Variants in DOCK4 observed in about 807,000 individuals in gnomAD.
DOCK4 encodes the protein dedicator of cytokinesis 4, also known as dedicator of cytokinesis protein 4.
In DOCK4, 97 loss-of-function variants were observed where a neutral mutation model predicts 268.1. The ratio of observed to expected loss-of-function variants is 0.36; its 90% CI spans 0.31 to 0.43. The LOEUF (loss-of-function observed/expected upper bound fraction) is 0.43, where lower values mean the gene tolerates loss of function less well. Among genes scored for constraint, DOCK4 ranks in the 20% least tolerant of loss-of-function variants. DOCK4 has a pLI of 1.00. For synonymous variants in DOCK4, 954 were observed against 887.2 expected (o/e 1.08, Z -1.34); for missense variants, 2,145 against 2,455.7 (o/e 0.87, Z 2.67).
chr7:111,739,670 C>A, intron 47 of DOCK4, 193 bp from the exon 48 acceptor site: 1 of 588,282 alleles, frequency 1.7e-6, no homozygotes, highest in South Asian at 2.0e-5. Context: ...ATTTTGACTC[C>A]TGCCAAAGGA....
chr7:112,014,146 T>C (rs1168968004), intron 1 of DOCK4, among the ~76,000 whole-genome samples: 1 of 152,220 alleles, frequency 6.6e-6, no homozygotes, highest in Non-Finnish European at 1.5e-5. Context: ...GTTGAGTTAT[T>C]AAGTCATGAG....
intron 1 of DOCK4, among the ~76,000 whole-genome samples, chr7:112,073,715 A>G (rs527460832): frequency 6.6e-6 from 1 of 152,124 alleles, no homozygotes; most frequent in Non-Finnish European, 1.5e-5. Flanking sequence ...TTTTGAACAC[A>G]TGGAAGTAGA....
At chr7:111,823,463 C>G (rs1033501911) in intron 26 of DOCK4, among the ~76,000 whole-genome samples, 3 of 152,096 alleles carry the variant, frequency 2.0e-5, no homozygotes, top group African/African-American at 7.2e-5. Flanking sequence ...CCACCTCGGC[C>G]TCCCAAAGTG....
intron 1 of DOCK4, among the ~76,000 whole-genome samples, chr7:112,083,245 T>C (rs1808762168): frequency 6.6e-6 from 1 of 152,106 alleles, no homozygotes; most frequent in Admixed American, 6.6e-5. Context: ...TTGAAAATAA[T>C]TTTATTTGAT....
intron 11 of DOCK4, among the ~76,000 whole-genome samples, chr7:111,938,090 T>G (rs1309363102): frequency 6.6e-6 from 1 of 152,208 alleles, no homozygotes; most frequent in Non-Finnish European, 1.5e-5. Context: ...AATTGAGGGT[T>G]GCTATGTGAT....
intron 1 of DOCK4, among the ~76,000 whole-genome samples, chr7:112,115,035 G>A (rs964577976): frequency 4.6e-5 from 7 of 152,100 alleles, no homozygotes; most frequent in Non-Finnish European, 4.4e-5. Flanking sequence ...TATCTATACT[G>A]CAGACATTTT....
chr7:112,166,517 T>C (rs1586958967), intron 1 of DOCK4, among the ~76,000 whole-genome samples: 1 of 152,338 alleles, frequency 6.6e-6, no homozygotes, highest in African/African-American at 2.4e-5. Context: ...ACTTTGCCCA[T>C]ATCATGTCAC....
At chr7:112,032,214 G>A (rs1009198573) in intron 1 of DOCK4, among the ~76,000 whole-genome samples, 4 of 152,114 alleles carry the variant, frequency 2.6e-5, no homozygotes, top group Admixed American at 6.5e-5. Flanking sequence ...CCTCAACTGC[G>A]TTAACATTAT....
At chr7:112,101,057 TA>T in intron 1 of DOCK4, among the ~76,000 whole-genome samples, 1 of 152,080 alleles carries the variant, frequency 6.6e-6, no homozygotes, top group East Asian at 1.9e-4. Context: ...GGGGGTGTGT[TA>T]TGGAAGGAAG....
chr7:112,101,744 T>C (rs568357422), intron 1 of DOCK4, among the ~76,000 whole-genome samples: 1 of 152,346 alleles, frequency 6.6e-6, no homozygotes, highest in East Asian at 1.9e-4. Context: ...CTGCTTTCAA[T>C]ACCTGCTGAC....
intron 37 of DOCK4, 109 bp from the exon 38 acceptor site, chr7:111,767,227 C>CTT (rs372483378): frequency 1.8e-3 from 830 of 464,464 alleles, no homozygotes; most frequent in South Asian, 2.4e-3. Flanking sequence ...ACTCCTTAAT[C>CTT]TTTTTTTTTT....
chr7:111,814,226 A>G (rs1330292039), intron 27 of DOCK4, among the ~76,000 whole-genome samples: 1 of 152,204 alleles, frequency 6.6e-6, no homozygotes, highest in Non-Finnish European at 1.5e-5. Flanking sequence ...TACATGGTGG[A>G]TCCCAAACAC....
At chr7:112,139,184 C>T (rs562635261) in intron 1 of DOCK4, among the ~76,000 whole-genome samples, 1 of 152,246 alleles carries the variant, frequency 6.6e-6, no homozygotes, top group African/African-American at 2.4e-5. Context: ...AATTTGTGTA[C>T]ATTAAGAACC....
intron 30 of DOCK4, chr7:111,807,992 A>G (rs531144333): frequency 1.3e-5 from 2 of 152,302 alleles, no homozygotes; most frequent in South Asian, 4.1e-4. Context: ...TTTCATTCAC[A>G]GAAAATAAAT....
At chr7:112,191,193 C>G (rs1819922274) in intron 1 of DOCK4, among the ~76,000 whole-genome samples, 1 of 152,200 alleles carries the variant, frequency 6.6e-6, no homozygotes, top group African/African-American at 2.4e-5. Context: ...AGGGCTCAAG[C>G]AACCCTCCTG....
At chr7:111,922,962 C>G (rs1586381217) in intron 12 of DOCK4, among the ~76,000 whole-genome samples, 1 of 152,190 alleles carries the variant, frequency 6.6e-6, no homozygotes, top group African/African-American at 2.4e-5. Flanking sequence ...AAGTCTTCAT[C>G]TGAAATTTTA....
intron 2 of DOCK4, among the ~76,000 whole-genome samples, chr7:112,003,311 C>T (rs1009105672): frequency 6.6e-6 from 1 of 151,900 alleles, no homozygotes; most frequent in African/African-American, 2.4e-5. Flanking sequence ...TCCCTTGAGC[C>T]CAGGAGATCG....
intron 30 of DOCK4, among the ~76,000 whole-genome samples, chr7:111,801,410 A>C (rs1800269395): frequency 6.6e-6 from 1 of 152,168 alleles, no homozygotes. Context: ...TTCGCTCCTT[A>C]AAACCACACC....
intron 23 of DOCK4, chr7:111,863,147 A>C: frequency 1.9e-6 from 1 of 538,492 alleles, no homozygotes; most frequent in Non-Finnish European, 3.3e-6. Flanking sequence ...CATTAAACAT[A>C]AAAAACAATA....
Sources: gnomAD v4.1 joint callset for allele counts (sites outside exome capture counted in the v4.1 genomes callset) on GRCh38, gnomAD v4.1.1 for gene constraint, MANE v1.5 for transcripts, NCBI Gene and HGNC (gene_info 2026-07-23, HGNC 2026-07-21) for gene names.